Variants in SLC19A1 observed in about 807,000 individuals in gnomAD.
The protein encoded by SLC19A1 is solute carrier family 19 member 1, also known as reduced folate transporter.
In SLC19A1, 37 loss-of-function variants were observed where a neutral mutation model predicts 35.3. The ratio of observed to expected loss-of-function variants is 1.05; its 90% CI spans 0.81 to 1.38. SLC19A1 has a LOEUF of 1.38. Among genes scored for constraint, SLC19A1 ranks in the 40% most tolerant of loss-of-function variants. SLC19A1 has a pLI of 0.00. For synonymous variants in SLC19A1, 460 were observed against 398.5 expected (o/e 1.15, Z -1.84); for missense variants, 831 against 826.9 (o/e 1.00, Z -0.06).
chr21:45,512,197 G>A, downstream of SLC19A1: 1 of 1,612,334 alleles, frequency 6.2e-7, no homozygotes, highest in Non-Finnish European at 8.5e-7. Flanking sequence ...GGCCCCAGAA[G>A]AGCGTGTGGC....
At chr21:45,528,292 T>C (rs1383271902) in intron 4 of SLC19A1, among the ~76,000 whole-genome samples, 1 of 151,778 alleles carries the variant, frequency 6.6e-6, no homozygotes, top group Non-Finnish European at 1.5e-5. Context: ...AGAAACACTG[T>C]GAGTTGAATT....
intron 1 of SLC19A1, among the ~76,000 whole-genome samples, chr21:45,558,892 T>G (rs1452509356): frequency 1.3e-5 from 2 of 151,478 alleles, no homozygotes; most frequent in Non-Finnish European, 2.9e-5. Flanking sequence ...GACTACAACC[T>G]CTGCCTCCCA....
intron 2 of SLC19A1, among the ~76,000 whole-genome samples, chr21:45,536,798 G>A (rs1275965831): frequency 2.0e-5 from 3 of 152,184 alleles, no homozygotes; most frequent in Admixed American, 6.5e-5. Flanking sequence ...ATGGGCAGGT[G>A]AGCAGGCCCA....
chr21:45,511,992 G>A (rs963370824), downstream of SLC19A1, among the ~76,000 whole-genome samples: 12 of 152,138 alleles, frequency 7.9e-5, no homozygotes, highest in African/African-American at 2.7e-4. Context: ...CAGCATGGGG[G>A]GCAGTCTGGG....
downstream of SLC19A1, chr21:45,510,191 C>G: frequency 6.3e-7 from 1 of 1,598,966 alleles, no homozygotes; most frequent in Non-Finnish European, 8.5e-7. Context: ...TTCCTGTCCT[C>G]GCGCCTGCAG....
Position 45,516,130 on chromosome 21 carries a change from T to C in SLC19A1, c.1304A>G (p.Tyr435Cys). 1.2e-6 allele frequency: 2 copies of C among 1,608,096 alleles called. No homozygotes were observed. The highest frequency in any genetic ancestry group is 2.2e-5 in the East Asian group (1 of 44,618). Reference protein sequence around the residue: ...GLPVRKQFQLYSVYFLILSII... With the variant: ...GLPVRKQFQLCSVYFLILSII... ...GGACAGGATCAGGAAGTACACGGAG[T>C]ATAACTGGAACTGGAAAGAGAGGCC... The change falls in exon 6 of 6, where the codon TAC (tyrosine) becomes TGC (cysteine). Residue 435 changes from tyrosine (Y) to cysteine (C), a missense_variant. Transcript: ENST00000311124.
chr21:45,530,835 G>C lies in SLC19A1; in HGVS notation c.1086C>G (p.Ile362Met). 6.5e-7 allele frequency: 1 copy of C among 1,533,088 alleles called. No homozygotes were observed. The allele number at this position is 1,533,088 out of a possible 1,614,324, so 95.0% of individuals were successfully genotyped here. A position where few individuals can be genotyped will look rare whatever the true frequency, so the allele number is the denominator to read the frequency against. Reference protein sequence around the residue: ...LLAHTRHPSSIWLCYAAFVLF... With the variant: ...LLAHTRHPSSMWLCYAAFVLF... ...GCACGAAGGCCGCATAGCACAGCCAGATGCTGCTCGGGTGGCGCGTGTGCG... is the reference window on the plus strand; with the variant it reads ...GCACGAAGGCCGCATAGCACAGCCACATGCTGCTCGGGTGGCGCGTGTGCG... The change falls in exon 4 of 6, where the codon ATC becomes ATG. Residue 362 changes from isoleucine (I) to methionine (M), a missense_variant. Ile to Met is a conservative substitution (Grantham distance 10, BLOSUM62 1). Coordinates refer to ENST00000311124, the MANE Select transcript of SLC19A1 (RefSeq NM_194255.4). The surrounding 1 kb of genome is among the most constrained non-coding windows in gnomAD (Gnocchi z 5.3).
chr21:45,532,723 C>T (rs182770536), intron 2 of SLC19A1, among the ~76,000 whole-genome samples: 310 of 152,338 alleles, frequency 2.0e-3, no homozygotes, highest in African/African-American at 6.8e-3. Context: ...GCACCAGCCA[C>T]CACACCCAGC....
downstream of SLC19A1, chr21:45,512,430 C>A (rs774240786): frequency 6.3e-7 from 1 of 1,599,144 alleles, no homozygotes. Context: ...CCGGAGAGGA[C>A]CGGCGGCTCG....
intron 5 of SLC19A1, among the ~76,000 whole-genome samples, chr21:45,520,358 A>G (rs2077400887): frequency 6.6e-6 from 1 of 152,208 alleles, no homozygotes; most frequent in East Asian, 1.9e-4. Flanking sequence ...AAAAAGAAAT[A>G]AAAGATATAC....
At chr21:45,524,095 G>C (rs1039950621) in intron 5 of SLC19A1, among the ~76,000 whole-genome samples, 1 of 150,208 alleles carries the variant, frequency 6.7e-6, no homozygotes, top group Non-Finnish European at 1.5e-5. Context: ...AGGCTCACCC[G>C]CCCTGAGCGT....
upstream of SLC19A1, among the ~76,000 whole-genome samples, chr21:45,545,154 T>A (rs566821237): frequency 6.6e-6 from 1 of 152,298 alleles, no homozygotes; most frequent in South Asian, 2.1e-4. Flanking sequence ...GACACAGACA[T>A]GCGCAGACAC....
chr21:45,536,065 G>C, intron 2 of SLC19A1: 1 of 357,360 alleles, frequency 2.8e-6, no homozygotes, highest in Non-Finnish European at 4.0e-6. Context: ...CCAGGAGGGA[G>C]GGCGTGATGA....
intron 5 of SLC19A1, among the ~76,000 whole-genome samples, chr21:45,521,262 C>T (rs1225188788): frequency 6.6e-6 from 1 of 152,124 alleles, no homozygotes; most frequent in Non-Finnish European, 1.5e-5. Context: ...CAGACTAATG[C>T]AGATAACAAA....
intron 3 of SLC19A1, among the ~76,000 whole-genome samples, chr21:45,503,491 A>G (rs2036977244): frequency 6.6e-6 from 1 of 152,086 alleles, no homozygotes; most frequent in Admixed American, 6.6e-5. Context: ...TTGTAGGGAC[A>G]TGGATGAAAT....
intron 3 of SLC19A1, chr21:45,504,364 T>A: frequency 6.3e-7 from 1 of 1,580,642 alleles, no homozygotes; most frequent in Non-Finnish European, 8.6e-7. Flanking sequence ...GGAGGCCACC[T>A]GTGGCTTGTA....
At chr21:45,502,620 T>A (rs2036926194) in intron 3 of SLC19A1, 1 of 152,156 alleles carries the variant, frequency 6.6e-6, no homozygotes, top group Admixed American at 6.5e-5. Context: ...TTCCTGCACC[T>A]CTGCCGGGAC....
rs147469462 is a variant in SLC19A1 at position 45,551,951 on chromosome 21, C to T, written c.-50+10791G>A. Among the ~76,000 whole-genome samples, 106 of 152,226 alleles carry T rather than the reference C, an allele frequency of 7.0e-4. 1 individual carries two copies. The East Asian group carries it at 0.02, about 28-fold the overall frequency. ...GGGCAGTGTGGAGATGGACCCACACCGCCTGCGTGTTCTGCCGCCACGCTG... is the reference window on the plus strand; with the variant it reads ...GGGCAGTGTGGAGATGGACCCACACTGCCTGCGTGTTCTGCCGCCACGCTG... On this transcript the variant is annotated intron_variant, in intron 1 of 5. Transcript: ENST00000650808.
chr21:45,517,889 C>T lies in SLC19A1; in HGVS notation c.1294-1749G>A, dbSNP rs1048763950. On this transcript the variant is annotated intron_variant, in intron 5 of 5. Transcript: ENST00000311124. This position sits in a 1 kb window ranked among gnomAD's most constrained non-coding sequence, Gnocchi z 4.4. ...GGACTTCCACCCCACCTGCCTGTAG[C>T]GAGGTGCACACCCCGCTTGACCTGC... Among the ~76,000 whole-genome samples, 6 of 152,198 alleles carry T rather than the reference C, an allele frequency of 3.9e-5. No individual in the cohort carries two copies. The highest frequency in any genetic ancestry group is 6.5e-5 in the Admixed American group (1 of 15,282).
Sources: allele counts gnomAD v4.1 joint callset (sites outside exome capture counted in the v4.1 genomes callset), GRCh38; gene constraint gnomAD v4.1.1; non-coding constraint Gnocchi (gnomAD v3.1); transcripts MANE v1.5; gene names NCBI Gene and HGNC (gene_info 2026-07-23, HGNC 2026-07-21).